CDK19: variants seen among roughly 807,000 people sequenced by gnomAD.
CDK19 encodes cyclin-dependent kinase 19.
Under a neutral mutation model 68.3 loss-of-function variants are expected in CDK19, and 20 were observed. That is an observed-to-expected ratio of 0.29 (90% confidence interval 0.21 to 0.43). The LOEUF (loss-of-function observed/expected upper bound fraction) is 0.43, where lower values mean the gene tolerates loss of function less well. Ranked by LOEUF, CDK19 falls within the 20% of genes least tolerant of loss-of-function variation. The probability of loss-of-function intolerance (pLI) is 1.00; values close to 1 mark genes in which losing one functional copy is unlikely to be tolerated. For missense variants in CDK19, 339 were observed against 623.5 expected, an observed-to-expected ratio of 0.54 and a Z score of 4.86; for synonymous variants, 221 against 222.8, an observed-to-expected ratio of 0.99 and a Z score of 0.07.
chr6:110,746,303 G>C, intron 1 of CDK19, 102 bp from the exon 2 acceptor site: 3 of 642,940 alleles, frequency 4.7e-6, no homozygotes, highest in Non-Finnish European at 8.0e-6. Flanking sequence ...TCAGTGATAT[G>C]TAAACATTCT....
intron 6 of CDK19, 27 bp from the exon 7 acceptor site, chr6:110,627,172 G>A (rs1779140106): frequency 4.5e-6 from 7 of 1,561,962 alleles, no homozygotes; most frequent in South Asian, 2.3e-5. Flanking sequence ...ATAAGTTTTT[G>A]TATATATTTC....
intron 2 of CDK19, among the ~76,000 whole-genome samples, chr6:110,719,734 G>A (rs1314037962): frequency 1.3e-5 from 2 of 151,494 alleles, no homozygotes; most frequent in African/African-American, 4.8e-5. Flanking sequence ...TGGTTTTTTT[G>A]TTTTGTTTTG....
chr6:110,641,646 AAAGG>A (rs71553305), intron 4 of CDK19, among the ~76,000 whole-genome samples: 5,575 of 131,378 alleles, frequency 0.042, 146 homozygotes, highest in Middle Eastern at 0.069. Flanking sequence ...AAAGGGAAAG[AAAGG>A]AAGGAAGGAA....
intron 1 of CDK19, chr6:110,773,770 T>C (rs1171248362): frequency 1.3e-5 from 2 of 152,182 alleles, no homozygotes; most frequent in Non-Finnish European, 2.9e-5. Context: ...ATTTAATGCA[T>C]CATTATAAAT....
intron 1 of CDK19, among the ~76,000 whole-genome samples, chr6:110,751,090 TC>T (rs968247765): frequency 3.3e-5 from 5 of 152,112 alleles, no homozygotes; most frequent in African/African-American, 9.7e-5. Context: ...CACCTTGAAC[TC>T]CCAAAGTGCT....
At chr6:110,647,300 GA>G (rs1780665278) in intron 4 of CDK19, among the ~76,000 whole-genome samples, 1 of 147,206 alleles carries the variant, frequency 6.8e-6, no homozygotes, top group Non-Finnish European at 1.5e-5. Flanking sequence ...CAATGGAACA[GA>G]AAGCCATGAT....
intron 4 of CDK19, among the ~76,000 whole-genome samples, chr6:110,662,364 A>G (rs1781674379): frequency 6.6e-6 from 1 of 152,116 alleles, no homozygotes; most frequent in Non-Finnish European, 1.5e-5. Flanking sequence ...CTTATTGTGT[A>G]CTAGGTTCTG....
intron 4 of CDK19, among the ~76,000 whole-genome samples, chr6:110,661,261 C>T (rs1029767873): frequency 3.3e-5 from 5 of 152,198 alleles, no homozygotes. Flanking sequence ...AGCTCCTTAA[C>T]TTACAAAGAG....
At chr6:110,619,173 G>C (rs1778553414) in intron 12 of CDK19, among the ~76,000 whole-genome samples, 1 of 152,076 alleles carries the variant, frequency 6.6e-6, no homozygotes, top group African/African-American at 2.4e-5. Flanking sequence ...TTTTTCCACA[G>C]ACATCAGGAC....
chr6:110,738,306 T>TC (rs1182940980), intron 2 of CDK19, among the ~76,000 whole-genome samples: 1 of 150,834 alleles, frequency 6.6e-6, no homozygotes, highest in Non-Finnish European at 1.5e-5. Context: ...GGTCAGGAGT[T>TC]CGAGACCAGC....
At chr6:110,758,398 G>A (rs1025559743) in intron 1 of CDK19, among the ~76,000 whole-genome samples, 7 of 152,162 alleles carry the variant, frequency 4.6e-5, no homozygotes, top group South Asian at 4.2e-4. Flanking sequence ...TAGAGCAAGC[G>A]CTTTGTTCAA....
chr6:110,778,713 T>C (rs1780591177), intron 1 of CDK19, among the ~76,000 whole-genome samples: 1 of 152,192 alleles, frequency 6.6e-6, no homozygotes, highest in South Asian at 2.1e-4. Context: ...GGTTTTATTC[T>C]GGGTGGCATG....
chr6:110,771,496 C>A (rs1486016598), intron 1 of CDK19, among the ~76,000 whole-genome samples: 1 of 152,174 alleles, frequency 6.6e-6, no homozygotes, highest in East Asian at 1.9e-4. Context: ...GCCCAGCCCA[C>A]AAAACCATTT....
At chr6:110,674,154 C>T (rs1460400457) in intron 2 of CDK19, among the ~76,000 whole-genome samples, 1 of 152,194 alleles carries the variant, frequency 6.6e-6, no homozygotes. Flanking sequence ...TGAAGCATCA[C>T]AAATTGCACC....
At chr6:110,767,129 C>T (rs1180137706) in intron 1 of CDK19, among the ~76,000 whole-genome samples, 2 of 150,392 alleles carry the variant, frequency 1.3e-5, no homozygotes, top group African/African-American at 2.4e-5. Flanking sequence ...TGAGACTCTG[C>T]CTCAAAAATA....
chr6:110,689,367 C>T (rs1772779256), intron 2 of CDK19, among the ~76,000 whole-genome samples: 1 of 152,136 alleles, frequency 6.6e-6, no homozygotes, highest in African/African-American at 2.4e-5. Context: ...AGCTTTTCGG[C>T]CCCACCCATC....
At position 110,610,596 on chromosome 6, in the gene CDK19, T is replaced by C. The variant is rs1036681896; in HGVS notation, c.*3939A>G. 1 of 152,240 alleles carries C rather than the reference T, an allele frequency of 6.6e-6. No homozygotes were observed. The highest frequency in any genetic ancestry group is 1.5e-5 in the Non-Finnish European group (1 of 68,018). 9.4% of individuals were successfully genotyped at this position (152,240 alleles called of 1,614,324 possible). On this transcript the variant is annotated 3_prime_UTR_variant, in exon 13 of 13. Coordinates refer to ENST00000368911, the MANE Select transcript of CDK19 (RefSeq NM_015076.5). ...AACCCTAAAACAATGAACTTTGTTATATTTGTGACTATTTTTGAGGATTAT... is the reference window on the plus strand; with the variant it reads ...AACCCTAAAACAATGAACTTTGTTACATTTGTGACTATTTTTGAGGATTAT...
chr6:110,807,739 G>A (rs1483410975), intron 1 of CDK19, among the ~76,000 whole-genome samples: 2 of 152,002 alleles, frequency 1.3e-5, no homozygotes, highest in Non-Finnish European at 2.9e-5. Flanking sequence ...GGGATTATAG[G>A]CATAAGCCAC....
intron 2 of CDK19, among the ~76,000 whole-genome samples, chr6:110,709,932 T>C (rs1374746148): frequency 1.3e-5 from 2 of 152,186 alleles, no homozygotes; most frequent in East Asian, 3.8e-4. Context: ...TATCACTATG[T>C]ATTATTTTCC....
Sources: allele counts gnomAD v4.1 joint callset (sites outside exome capture counted in the v4.1 genomes callset), GRCh38; gene constraint gnomAD v4.1.1; transcripts MANE v1.5; gene names NCBI Gene and HGNC (gene_info 2026-07-23, HGNC 2026-07-21).